LIMCH1: variants seen among roughly 807,000 people sequenced by gnomAD.
LIMCH1 encodes LIM and calponin homology domains-containing protein 1.
In LIMCH1, 113 loss-of-function variants were observed where a neutral mutation model predicts 176.5. The ratio of observed to expected loss-of-function variants is 0.64; its 90% CI spans 0.55 to 0.75. The LOEUF (loss-of-function observed/expected upper bound fraction) is 0.75, where lower values mean the gene tolerates loss of function less well. Among genes scored for constraint, LIMCH1 ranks in the 30% least tolerant of loss-of-function variants. The pLI is 0.00. For synonymous variants in LIMCH1, 619 were observed against 645.9 expected, an observed-to-expected ratio of 0.96 and a Z score of 0.63; for missense variants, 1,674 against 1,814.9, an observed-to-expected ratio of 0.92 and a Z score of 1.41.
chr4:41,462,190 G>T (rs1166253669), intron 1 of LIMCH1, among the ~76,000 whole-genome samples: 2 of 152,210 alleles, frequency 1.3e-5, no homozygotes, highest in Non-Finnish European at 2.9e-5. Flanking sequence ...ATGGATTTGG[G>T]AGGGGGCAGT....
upstream of LIMCH1, among the ~76,000 whole-genome samples, chr4:41,535,462 G>A (rs1332001238): frequency 6.6e-6 from 1 of 152,156 alleles, no homozygotes; most frequent in Non-Finnish European, 1.5e-5. Context: ...CCAGATGGCT[G>A]CCTTTCCCTG....
chr4:41,687,744 A>G (rs1722064174), intron 28 of LIMCH1, 96 bp from the exon 29 acceptor site: 10 of 747,898 alleles, frequency 1.3e-5, no homozygotes, highest in Non-Finnish European at 2.0e-5. Flanking sequence ...CAAAAGTTTT[A>G]TTTTATTTTA....
At chr4:41,561,415 T>C (rs1250641128) in intron 1 of LIMCH1, among the ~76,000 whole-genome samples, 1 of 152,176 alleles carries the variant, frequency 6.6e-6, no homozygotes, top group Admixed American at 6.5e-5. Context: ...TGTTCGTAAA[T>C]GATGATGAAC....
At chr4:41,477,975 A>G (rs1191699046) in intron 1 of LIMCH1, among the ~76,000 whole-genome samples, 2 of 152,236 alleles carry the variant, frequency 1.3e-5, no homozygotes, top group African/African-American at 2.4e-5. Flanking sequence ...TTTCTGTAAT[A>G]TTTGAACTAA....
rs965621988 is a variant in LIMCH1 at position 41,460,476 on chromosome 4, A to ATATATATATATATATATATATATC, written c.97-34057_97-34056insATATATATATATATATATATCTAT. On this transcript the variant is annotated intron_variant, in intron 1 of 26. Coordinates refer to the LIMCH1 transcript ENST00000313860. ...TAATCATCTATATATATATATATAT[A>ATATATATATATATATATATATATC]TATCTTATAATATCATGTTATAGAT... 6.2e-4 allele frequency among the ~76,000 whole-genome samples: 88 copies of ATATATATATATATATATATATATC among 142,628 alleles called. 2 individuals carry two copies. Among genetic ancestry groups the ATATATATATATATATATATATATC allele is most frequent in the African/African-American group, 2.0e-3 (74 of 36,772 alleles). The allele number at this position is 142,628 out of a possible 152,430, so 93.6% of individuals were successfully genotyped here.
At chr4:41,671,749 T>G (rs1367525759) in intron 22 of LIMCH1, among the ~76,000 whole-genome samples, 155 bp downstream of exon 22, 1 of 149,230 alleles carries the variant, frequency 6.7e-6, no homozygotes, top group Admixed American at 6.6e-5. Flanking sequence ...GATCACGAGG[T>G]CAGGTGTTCA....
intron 3 of LIMCH1, among the ~76,000 whole-genome samples, chr4:41,531,219 C>T (rs372935799): frequency 6.6e-6 from 1 of 152,064 alleles, no homozygotes; most frequent in Admixed American, 6.5e-5. Flanking sequence ...AAATCAGACT[C>T]TCTCATTTAA....
chr4:41,392,679 T>G (rs978184542), intron 1 of LIMCH1, among the ~76,000 whole-genome samples: 1 of 152,204 alleles, frequency 6.6e-6, no homozygotes, highest in African/African-American at 2.4e-5. Context: ...TCTTCTTCCA[T>G]CTCATCTAGG....
At chr4:41,501,845 C>T (rs530610391) in intron 2 of LIMCH1, among the ~76,000 whole-genome samples, 8 of 143,870 alleles carry the variant, frequency 5.6e-5, no homozygotes, top group African/African-American at 1.6e-4. Flanking sequence ...TCTCATCTCC[C>T]GGTGTAGAAT....
intron 4 of LIMCH1, chr4:41,612,337 T>C (rs1409404287): frequency 1.8e-6 from 1 of 553,872 alleles, no homozygotes; most frequent in African/African-American, 1.9e-5. Context: ...ACATGAAGAA[T>C]ATTTATTTTT....
intron 1 of LIMCH1, among the ~76,000 whole-genome samples, chr4:41,570,492 T>A (rs1187802781): frequency 6.6e-6 from 1 of 152,242 alleles, no homozygotes; most frequent in Non-Finnish European, 1.5e-5. Flanking sequence ...GAGTAGACAC[T>A]AGCCTGTATT....
chr4:41,610,528 A>C (rs2152787383), intron 4 of LIMCH1, among the ~76,000 whole-genome samples: 1 of 152,350 alleles, frequency 6.6e-6, no homozygotes, highest in Admixed American at 6.5e-5. Context: ...ATTTGAGAGA[A>C]TAAATTGTAG....
intron 1 of LIMCH1, among the ~76,000 whole-genome samples, chr4:41,473,477 G>T (rs563292357): frequency 3.9e-5 from 6 of 152,266 alleles, no homozygotes; most frequent in African/African-American, 1.2e-4. Context: ...TGTTTTGCTG[G>T]TTCTACTGAT....
intron 7 of LIMCH1, 38 bp from the exon 8 acceptor site, chr4:41,626,670 G>A (rs1389658048): frequency 1.3e-6 from 2 of 1,496,114 alleles, no homozygotes; most frequent in Non-Finnish European, 1.8e-6. Context: ...TTTTTTGTCT[G>A]ATCACATGTG....
chr4:41,573,685 A>T (rs770043444), intron 1 of LIMCH1, among the ~76,000 whole-genome samples: 2 of 152,170 alleles, frequency 1.3e-5, no homozygotes, highest in Non-Finnish European at 2.9e-5. Context: ...GTGATGAGCA[A>T]TACTGCACAT....
intron 1 of LIMCH1, among the ~76,000 whole-genome samples, chr4:41,375,571 T>G (rs2054614881): frequency 6.6e-6 from 1 of 152,216 alleles, no homozygotes; most frequent in African/African-American, 2.4e-5. Flanking sequence ...TTCATATTTC[T>G]CAGGTAAAGA....
chr4:41,458,773 C>CA (rs779184137), intron 1 of LIMCH1, among the ~76,000 whole-genome samples: 4,399 of 51,242 alleles, frequency 0.086, 168 homozygotes, highest in African/African-American at 0.19. Context: ...ACTCTGTCAC[C>CA]AAAAAAAAAA....
At chr4:41,660,876 G>A (rs1381813828) in intron 18 of LIMCH1, among the ~76,000 whole-genome samples, 1 of 152,114 alleles carries the variant, frequency 6.6e-6, no homozygotes, top group Non-Finnish European at 1.5e-5. Context: ...AAGAACCAGT[G>A]AGAAAAGAGT....
At chr4:41,525,796 T>C (rs2076582439) in intron 3 of LIMCH1, among the ~76,000 whole-genome samples, 1 of 152,274 alleles carries the variant, frequency 6.6e-6, no homozygotes, top group African/African-American at 2.4e-5. Context: ...AATTCACCTC[T>C]TCCAAATGTT....
Sources: gnomAD v4.1 joint callset for allele counts (sites outside exome capture counted in the v4.1 genomes callset) on GRCh38, gnomAD v4.1.1 for gene constraint, MANE v1.5 for transcripts, NCBI Gene and HGNC (gene_info 2026-07-23, HGNC 2026-07-21) for gene names.